The following CHCHD6 variants were observed in gnomAD, a reference collection of about 807,000 sequenced individuals.
CHCHD6 encodes MICOS complex subunit MIC25.
In CHCHD6, 28 loss-of-function variants were observed where a neutral mutation model predicts 32.3. The observed-to-expected ratio is 0.87, with a 90% confidence interval of 0.64 to 1.19. CHCHD6 has a LOEUF of 1.19. Ranked by LOEUF, CHCHD6 falls within the 50% of genes most tolerant of loss-of-function variation. The pLI, the probability that CHCHD6 is intolerant of heterozygous loss-of-function variation, is 0.00. For missense variants in CHCHD6, 333 were observed against 307.0 expected (o/e 1.08, Z -0.63); for synonymous variants, 122 against 117.5 (o/e 1.04, Z -0.25).
intron 5 of CHCHD6, among the ~76,000 whole-genome samples, chr3:126,890,524 A>G (rs2077742768): frequency 1.3e-5 from 2 of 152,090 alleles, no homozygotes; most frequent in South Asian, 4.2e-4. Flanking sequence ...TGGGGGACAG[A>G]GTCAGGAGGA....
chr3:126,917,432 C>G (rs1461147272), intron 6 of CHCHD6, among the ~76,000 whole-genome samples: 4 of 152,176 alleles, frequency 2.6e-5, no homozygotes, highest in Non-Finnish European at 5.9e-5. Flanking sequence ...GCTCTCAGAG[C>G]CTGCCCGGGT....
chr3:126,722,339 G>GT (rs772957468), intron 1 of CHCHD6, among the ~76,000 whole-genome samples: 21 of 152,012 alleles, frequency 1.4e-4, no homozygotes, highest in Non-Finnish European at 2.8e-4. Flanking sequence ...AAAAATTTTT[G>GT]TTTTTTAGAG....
rs143293559 is a variant in CHCHD6 at position 126,764,200 on chromosome 3, C to CATATATATATATATAT, written c.411+30988_411+31003dup. ...ATACACATACATACATACATACATG[C>CATATATATATATATAT]ATATATATATATATATATATATATA... On this transcript the variant is annotated intron_variant, in intron 4 of 7. Coordinates refer to ENST00000290913, the MANE Select transcript of CHCHD6 (RefSeq NM_032343.3). Among the ~76,000 whole-genome samples, 43 of 139,796 alleles carry CATATATATATATATAT rather than the reference C, an allele frequency of 3.1e-4. No homozygotes were observed. In the South Asian group the frequency reaches 4.2e-3, roughly 14 times the overall value. The allele number at this position is 139,796 out of a possible 152,430, so 91.7% of individuals were successfully genotyped here. A position where few individuals can be genotyped will look rare whatever the true frequency, so the allele number is the denominator to read the frequency against.
chr3:126,774,988 C>G (rs1937609944), intron 4 of CHCHD6, among the ~76,000 whole-genome samples: 1 of 152,146 alleles, frequency 6.6e-6, no homozygotes, highest in African/African-American at 2.4e-5. Flanking sequence ...TCCTATCATT[C>G]TGGGTCCTGA....
intron 4 of CHCHD6, among the ~76,000 whole-genome samples, chr3:126,778,307 A>C (rs1937750610): frequency 6.6e-6 from 1 of 152,186 alleles, no homozygotes; most frequent in Non-Finnish European, 1.5e-5. Context: ...GGTTGGATCA[A>C]ATAGTAACTC....
At chr3:126,892,923 T>C (rs2077784186) in intron 5 of CHCHD6, among the ~76,000 whole-genome samples, 1 of 152,146 alleles carries the variant, frequency 6.6e-6, no homozygotes. Context: ...GCTGTTTTTT[T>C]GTTTTTGTTT....
At chr3:126,745,478 C>T (rs749496527) in intron 4 of CHCHD6, among the ~76,000 whole-genome samples, 12 of 152,140 alleles carry the variant, frequency 7.9e-5, no homozygotes, top group African/African-American at 2.7e-4. Context: ...TACATTCTTG[C>T]CTTTCTGTTA....
At chr3:126,848,975 G>A (rs149495282) in intron 4 of CHCHD6, among the ~76,000 whole-genome samples, 3 of 152,304 alleles carry the variant, frequency 2.0e-5, no homozygotes, top group African/African-American at 7.2e-5. Flanking sequence ...CCTCAGTGCA[G>A]GACGAGGTCT....
intron 4 of CHCHD6, among the ~76,000 whole-genome samples, chr3:126,796,215 T>C (rs1938785118): frequency 6.6e-6 from 1 of 152,108 alleles, no homozygotes; most frequent in Non-Finnish European, 1.5e-5. Context: ...CCGGGCTTGG[T>C]GGTGTACACC....
At chr3:126,909,515 G>A (rs1363498436) in intron 5 of CHCHD6, among the ~76,000 whole-genome samples, 1 of 152,192 alleles carries the variant, frequency 6.6e-6, no homozygotes, top group Admixed American at 6.5e-5. Flanking sequence ...AAAACTGCTC[G>A]GGAAGTAATT....
intron 4 of CHCHD6, among the ~76,000 whole-genome samples, chr3:126,764,041 A>T (rs1937259232): frequency 6.6e-6 from 1 of 151,844 alleles, no homozygotes; most frequent in East Asian, 1.9e-4. Context: ...TCCCCTATTT[A>T]TGTTATCGTC....
At chr3:126,794,625 T>C (rs555413240) in intron 4 of CHCHD6, among the ~76,000 whole-genome samples, 14 of 152,154 alleles carry the variant, frequency 9.2e-5, no homozygotes, top group Non-Finnish European at 1.6e-4. Flanking sequence ...AAAATGTCTT[T>C]CATTTTCCAG....
At chr3:126,740,782 G>T (rs1936259745) in intron 4 of CHCHD6, among the ~76,000 whole-genome samples, 1 of 152,186 alleles carries the variant, frequency 6.6e-6, no homozygotes. Context: ...ACCTGGCCTT[G>T]GTGGTTATAT....
chr3:126,802,740 G>C lies in CHCHD6; in HGVS notation c.412-49907G>C, dbSNP rs148761590. 3.7e-3 allele frequency among the ~76,000 whole-genome samples: 569 copies of C among 152,216 alleles called. 8 individuals are homozygous for C. In the East Asian group the frequency reaches 0.066, roughly 18 times the overall value. ...ACCACAAAGATACTCCTCGAGAAGA[G>C]CAACTCCAAGACACATAACTGTCAG... On this transcript the variant is annotated intron_variant, in intron 4 of 7. Transcript: ENST00000290913.
intron 6 of CHCHD6, chr3:126,949,381 G>A: frequency 4.4e-6 from 1 of 228,804 alleles, no homozygotes; most frequent in South Asian, 4.8e-5. Flanking sequence ...CACCTGCCAT[G>A]GACGGAAAAA....
At chr3:126,938,672 C>T (rs780071605) in intron 6 of CHCHD6, among the ~76,000 whole-genome samples, 9 of 151,984 alleles carry the variant, frequency 5.9e-5, no homozygotes, top group South Asian at 2.1e-4. Context: ...TGTGCTTACT[C>T]GAGAGAACAC....
chr3:126,739,770 A>G (rs1351248280), intron 4 of CHCHD6, among the ~76,000 whole-genome samples: 1 of 151,890 alleles, frequency 6.6e-6, no homozygotes, highest in Non-Finnish European at 1.5e-5. Context: ...CCATCTCTTT[A>G]CATATGTTGC....
chr3:126,943,130 CT>C (rs1454039132), intron 6 of CHCHD6, among the ~76,000 whole-genome samples: 1 of 152,190 alleles, frequency 6.6e-6, no homozygotes, highest in Non-Finnish European at 1.5e-5. Flanking sequence ...GCCTTTTCAG[CT>C]GCCACGTCCC....
intron 4 of CHCHD6, among the ~76,000 whole-genome samples, chr3:126,790,571 T>G (rs1938479919): frequency 6.6e-6 from 1 of 152,246 alleles, no homozygotes; most frequent in Non-Finnish European, 1.5e-5. Context: ...ATTTCATTCA[T>G]TTGATCTTCA....
Sources: allele counts gnomAD v4.1 joint callset (sites outside exome capture counted in the v4.1 genomes callset), GRCh38; gene constraint gnomAD v4.1.1; transcripts MANE v1.5; gene names NCBI Gene and HGNC (gene_info 2026-07-23, HGNC 2026-07-21).